Variants in ZNF585A observed in about 807,000 individuals in gnomAD.
ZNF585A encodes zinc finger protein 585A.
ZNF585A carries 9 observed loss-of-function variants against 14.9 expected under a neutral mutation model. The observed-to-expected ratio is 0.60, with a 90% CI of 0.36 to 1.05. The LOEUF (loss-of-function observed/expected upper bound fraction) is 1.05. Among genes scored for constraint, ZNF585A ranks in the 50% least tolerant of loss-of-function variants. The pLI, the probability that ZNF585A is intolerant of heterozygous loss-of-function variation, is 0.01. For missense variants in ZNF585A, 726 were observed against 926.4 expected (o/e 0.78, Z 2.81); for synonymous variants, 276 against 319.9 (o/e 0.86, Z 1.46).
At position 37,170,026 on chromosome 19, in the gene ZNF585A, C is replaced by A; in HGVS notation, c.-116G>T. 1 of 1,269,402 alleles carries A rather than the reference C, an allele frequency of 7.9e-7. No homozygotes were observed. Among genetic ancestry groups the A allele is most frequent in the Non-Finnish European group, 1.1e-6 (1 of 920,780 alleles). The allele number at this position is 1,269,402 out of a possible 1,614,324, so 78.6% of individuals were successfully genotyped here. A position where few individuals can be genotyped will look rare whatever the true frequency, so the allele number is the denominator to read the frequency against. On this transcript the variant is annotated 5_prime_UTR_variant, in exon 2 of 5. Coordinates refer to ENST00000292841, the MANE Select transcript of ZNF585A (RefSeq NM_001288800.2). ...GCTGGAGTCTAGAGGAAAATCTGGC[C>A]CAGGGGCTCCCCAGAGACACCCAGA...
At chr19:37,158,983 C>T (rs1971971481) in intron 2 of ZNF585A, among the ~76,000 whole-genome samples, 1 of 152,090 alleles carries the variant, frequency 6.6e-6, no homozygotes, top group South Asian at 2.1e-4. Flanking sequence ...TGTGGTGGCT[C>T]ACACCTGTAA....
chr19:37,149,820 G>C lies in ZNF585A; in HGVS notation c.*1769C>G, dbSNP rs896166400. Reference sequence around the variant, plus strand: ...TCCATTGTGCCTTGGGGGGAACTCAGAGGAAAAGGTCTATGAGGCTGGGAC... The same window carrying C: ...TCCATTGTGCCTTGGGGGGAACTCACAGGAAAAGGTCTATGAGGCTGGGAC... On this transcript the variant is annotated 3_prime_UTR_variant, in exon 5 of 5. Transcript: ENST00000292841. 6.6e-6 allele frequency: 1 copy of C among 152,236 alleles called. No individual in the cohort carries two copies. The highest frequency in any genetic ancestry group is 2.4e-5 in the African/African-American group (1 of 41,434). 9.4% of individuals were successfully genotyped at this position (152,236 alleles called of 1,614,324 possible). A position where few individuals can be genotyped will look rare whatever the true frequency, so the allele number is the denominator to read the frequency against.
At chr19:37,157,888 C>CTT (rs566034676) in intron 2 of ZNF585A, among the ~76,000 whole-genome samples, 6 of 125,540 alleles carry the variant, frequency 4.8e-5, no homozygotes, top group Non-Finnish European at 1.8e-5. Flanking sequence ...AGGAAAAGTT[C>CTT]TTTTTTTTTT....
chr19:37,167,684 C>T (rs56343212), intron 2 of ZNF585A, among the ~76,000 whole-genome samples: 38,880 of 151,306 alleles, frequency 0.26, 5,494 homozygotes, highest in Non-Finnish European at 0.32. Context: ...TACAATGGCA[C>T]GATCTCGGCT....
Position 37,150,722 on chromosome 19 carries a change from C to T in ZNF585A, c.*867G>A, listed in dbSNP as rs944116485. 7.2e-5 allele frequency: 11 copies of T among 152,484 alleles called. No individual in the cohort carries two copies. The highest frequency in any genetic ancestry group is 1.6e-4 in the Non-Finnish European group (11 of 67,926). 9.4% of individuals were successfully genotyped at this position (152,484 alleles called of 1,614,324 possible). ...GTTACATCCTTAAGGAAGCCAGATA[C>T]TAAGCTTCAAGTCAGTGATGAGTAC... On this transcript the variant is annotated 3_prime_UTR_variant, in exon 5 of 5. Coordinates refer to ENST00000292841, the MANE Select transcript of ZNF585A (RefSeq NM_001288800.2).
chr19:37,153,309 T>C lies in ZNF585A; in HGVS notation c.590A>G (p.Gln197Arg). 6.2e-7 allele frequency: 1 copy of C among 1,614,156 alleles called. No individual in the cohort carries two copies. Among genetic ancestry groups the C allele is most frequent in the South Asian group, 1.1e-5 (1 of 91,076 alleles). Reference protein sequence around the residue: ...KCNECGKSFFQVSSLFRHQRI... With the variant: ...KCNECGKSFFRVSSLFRHQRI... ...CTGATGCCTGAAGAGGGACGACACT[T>C]GAAAAAAGGATTTTCCACATTCATT... Residue 197 changes from glutamine to arginine, a missense_variant, in exon 5 of 5, where the codon CAA (glutamine) becomes CGA (arginine). By Grantham distance (43) the Gln-to-Arg change is conservative (BLOSUM62 1). This residue lies in a region of ZNF585A where 483 missense variants were observed against 542.8 expected (regional missense o/e 0.89). Coordinates refer to ENST00000292841, the MANE Select transcript of ZNF585A (RefSeq NM_001288800.2).
rs77284275 is a variant in ZNF585A at position 37,150,087 on chromosome 19, GTT to G, written c.*1500_*1501del. 5.7e-5 allele frequency: 8 copies of G among 140,224 alleles called. No homozygotes were observed. The highest frequency in any genetic ancestry group is 7.2e-5 in the Admixed American group (1 of 13,826). 8.7% of individuals were successfully genotyped at this position (140,224 alleles called of 1,614,324 possible). On this transcript the variant is annotated 3_prime_UTR_variant, in exon 5 of 5. Coordinates refer to ENST00000292841, the MANE Select transcript of ZNF585A (RefSeq NM_001288800.2). ...ATCAACAGACATTGGGCTAGTTTTT[GTT>G]TTTTTTTTTTTTAACTGGGGTCCTA...
intron 4 of ZNF585A, 79 bp from the exon 5 acceptor site, chr19:37,153,685 T>C: frequency 8.1e-7 from 1 of 1,230,640 alleles, no homozygotes; most frequent in South Asian, 1.5e-5. Flanking sequence ...TGAAGGATTA[T>C]TTTTATTATG....
rs758300925 is a variant in ZNF585A, at chr19:37,156,279, T to C, written c.149A>G (p.Asn50Ser). The change falls in exon 3 of 5, where the codon AAC (asparagine) becomes AGC (serine). Residue 50 changes from asparagine to serine, a missense_variant. Asn to Ser is a conservative substitution (Grantham distance 46, BLOSUM62 1). Around this residue, in one of 2 missense-constraint regions of ZNF585A, gnomAD observed 483 missense variants for 542.8 expected, o/e 0.89. Transcript: ENST00000292841. ...CTCCAGCATCACATCCCGGTACAGG[T>C]TTCTCTGAGAAGGGTCCAGGTGCCG... ...EWRHLDPSQR[N>S]LYRDVMLETY... is the part of the protein sequence containing the mutation. The C allele has an allele frequency of 3.1e-6, 5 of 1,614,038 alleles. No individual in the cohort carries two copies. The highest frequency in any genetic ancestry group is 1.1e-5 in the South Asian group (1 of 91,064).
chr19:37,146,244 T>C lies in ZNF585A; in HGVS notation c.*5345A>G, dbSNP rs1013133217. 6.6e-6 allele frequency: 1 copy of C among 151,986 alleles called. No individual in the cohort carries two copies. Among genetic ancestry groups the C allele is most frequent in the African/African-American group, 2.4e-5 (1 of 41,312 alleles). 9.4% of individuals were successfully genotyped at this position (151,986 alleles called of 1,614,324 possible). A position where few individuals can be genotyped will look rare whatever the true frequency, so the allele number is the denominator to read the frequency against. On this transcript the variant is annotated 3_prime_UTR_variant, in exon 5 of 5. Coordinates refer to ENST00000292841, the MANE Select transcript of ZNF585A (RefSeq NM_001288800.2). ...AAAAATACAAAAAATTAGCTGGGTG[T>C]GGTGGTGGGTGCCTGTAATCGCAGC...
intron 2 of ZNF585A, among the ~76,000 whole-genome samples, chr19:37,161,984 C>T (rs904147698): frequency 6.6e-6 from 1 of 152,112 alleles, no homozygotes; most frequent in Non-Finnish European, 1.5e-5. Flanking sequence ...AGTGCAGTGG[C>T]GCAATCTCGG....
In ZNF585A at chr19:37,151,224, T is replaced by C. The variant is rs1971823798; in HGVS notation, c.*365A>G. On this transcript the variant is annotated 3_prime_UTR_variant, in exon 5 of 5. Transcript: ENST00000292841. ...TATTATGTTGTTTTATCATTCAATT[T>C]GTTGGCACTATACCTAATCCACAGT... 2 of 413,158 alleles carry C rather than the reference T, an allele frequency of 4.8e-6. No homozygotes were observed. Among genetic ancestry groups the C allele is most frequent in the Non-Finnish European group, 8.6e-6 (2 of 233,474 alleles). The allele number at this position is 413,158 out of a possible 1,614,324, so 25.6% of individuals were successfully genotyped here. A position where few individuals can be genotyped will look rare whatever the true frequency, so the allele number is the denominator to read the frequency against.
Position 37,155,967 on chromosome 19 carries a change from G to A in ZNF585A, c.200-10C>T, listed in dbSNP as rs1971923020. 7 of 1,613,784 alleles carry A rather than the reference G, an allele frequency of 4.3e-6. No homozygotes were observed. The highest frequency in any genetic ancestry group is 5.9e-6 in the Non-Finnish European group (7 of 1,180,000). ...TCAGGAACTTGATATCCTGTTCATG[G>A]GAAATGATAAAGGTCTGGGTCCAGC... On this transcript the variant is annotated splice_polypyrimidine_tract_variant and intron_variant, in intron 3 of 4. Transcript: ENST00000292841.
chr19:37,169,413 C>T (rs1972146181), intron 2 of ZNF585A, among the ~76,000 whole-genome samples: 1 of 141,216 alleles, frequency 7.1e-6, no homozygotes, highest in African/African-American at 2.6e-5. Context: ...AATGGAGAAC[C>T]AATATCCGAA....
At chr19:37,159,671 A>C (rs55917296) in intron 2 of ZNF585A, among the ~76,000 whole-genome samples, 2 of 152,208 alleles carry the variant, frequency 1.3e-5, no homozygotes, top group Admixed American at 6.5e-5. Context: ...AACCTCAACA[A>C]GTTTACAAGA....
chr19:37,159,373 T>A (rs1425917338), intron 2 of ZNF585A, among the ~76,000 whole-genome samples: 1 of 151,676 alleles, frequency 6.6e-6, no homozygotes, highest in East Asian at 1.9e-4. Context: ...TTTTTCATAA[T>A]AAAATGCTTT....
chr19:37,171,762 G>A (rs186217979), intron 1 of ZNF585A, among the ~76,000 whole-genome samples: 3 of 152,238 alleles, frequency 2.0e-5, no homozygotes, highest in Admixed American at 1.3e-4. Flanking sequence ...AATTAGCTGG[G>A]CGTGGTGGCG....
chr19:37,172,234 A>G (rs761645391), intron 1 of ZNF585A: 6 of 152,340 alleles, frequency 3.9e-5, no homozygotes, highest in Non-Finnish European at 8.8e-5. Context: ...TAAATAACTC[A>G]TGGATCAAAG....
At position 37,153,648 on chromosome 19, in the gene ZNF585A, T is replaced by G. The variant is rs16972021; in HGVS notation, c.293-42A>C. 2,674 of 1,426,188 alleles carry G rather than the reference T, an allele frequency of 1.9e-3. 43 individuals are homozygous for G. The African/African-American group carries it at 0.034, about 18-fold the overall frequency. The allele number at this position is 1,426,188 out of a possible 1,614,324, so 88.3% of individuals were successfully genotyped here. ...ATGGTTACTATAGGAAGACATTTTA[T>G]CATTTGGTAATCTTTTTAACATTCT... is the stretch of plus-strand genomic sequence containing the variant. On this transcript the variant is annotated intron_variant, in intron 4 of 4. Transcript: ENST00000292841.
Sources: gnomAD v4.1 joint callset for allele counts (sites outside exome capture counted in the v4.1 genomes callset) on GRCh38, gnomAD v4.1.1 for gene constraint, gnomAD v4.1.1 regional missense constraint, MANE v1.5 for transcripts, NCBI Gene and HGNC (gene_info 2026-07-23, HGNC 2026-07-21) for gene names.